Variants in CADPS2 observed in about 807,000 individuals in gnomAD.
The protein encoded by CADPS2 is calcium-dependent secretion activator 2.
CADPS2 carries 93 observed loss-of-function variants against 172.5 expected under a neutral mutation model. The observed-to-expected ratio is 0.54, with a 90% CI of 0.46 to 0.64. CADPS2 has a LOEUF of 0.64. CADPS2 is among the 30% of genes least tolerant of loss of function. The pLI, the probability that CADPS2 is intolerant of heterozygous loss-of-function variation, is 0.00. For synonymous variants in CADPS2, 546 were observed against 555.2 expected (o/e 0.98, Z 0.23); for missense variants, 1,420 against 1,565.9 (o/e 0.91, Z 1.57).
At chr7:122,565,962 G>T (rs534468125) in intron 7 of CADPS2, among the ~76,000 whole-genome samples, 1 of 152,084 alleles carries the variant, frequency 6.6e-6, no homozygotes, top group East Asian at 1.9e-4. Context: ...TATGACCCTG[G>T]TAACCACCAT....
chr7:122,758,939 T>C (rs1442930251), intron 1 of CADPS2, among the ~76,000 whole-genome samples: 3 of 151,574 alleles, frequency 2.0e-5, no homozygotes, highest in African/African-American at 2.4e-5. Context: ...TACGTTTGTT[T>C]AGAAGAAAAA....
intron 2 of CADPS2, among the ~76,000 whole-genome samples, chr7:122,689,087 T>C (rs2083995377): frequency 6.6e-6 from 1 of 151,954 alleles, no homozygotes; most frequent in South Asian, 2.1e-4. Flanking sequence ...ACAGCAACAA[T>C]ATAAGGAGCA....
At chr7:122,612,818 A>C (rs1265245240) in intron 6 of CADPS2, among the ~76,000 whole-genome samples, 4 of 152,162 alleles carry the variant, frequency 2.6e-5, no homozygotes, top group Non-Finnish European at 4.4e-5. Flanking sequence ...GGTAATCCAG[A>C]AAGTGTGGTA....
chr7:122,599,782 T>C (rs556755898), intron 6 of CADPS2, among the ~76,000 whole-genome samples: 1 of 152,222 alleles, frequency 6.6e-6, no homozygotes, highest in African/African-American at 2.4e-5. Context: ...TTACATATAA[T>C]ATGAAATATA....
chr7:122,480,934 C>A, intron 11 of CADPS2, 74 bp from the exon 12 acceptor site: 1 of 1,112,008 alleles, frequency 9.0e-7, no homozygotes, highest in South Asian at 2.1e-5. Flanking sequence ...TACAACTAGA[C>A]ATTTAATTTT....
At chr7:122,366,149 C>G (rs1464528684) in intron 25 of CADPS2, among the ~76,000 whole-genome samples, 1 of 150,414 alleles carries the variant, frequency 6.6e-6, no homozygotes, top group Admixed American at 6.6e-5. Context: ...TAAAAATCTG[C>G]ACATGTACTC....
chr7:122,834,162 C>A (rs1807502113), intron 1 of CADPS2, among the ~76,000 whole-genome samples: 1 of 152,102 alleles, frequency 6.6e-6, no homozygotes, highest in Non-Finnish European at 1.5e-5. Context: ...TGACAGCTAA[C>A]ATGATGGTAG....
intron 8 of CADPS2, among the ~76,000 whole-genome samples, chr7:122,531,832 AC>A (rs1299116046): frequency 2.0e-5 from 3 of 152,036 alleles, no homozygotes; most frequent in African/African-American, 7.2e-5. Context: ...GGAGTTCAAG[AC>A]CAGCCTGGCC....
intron 1 of CADPS2, among the ~76,000 whole-genome samples, chr7:122,859,700 T>C (rs933173676): frequency 6.6e-6 from 1 of 152,170 alleles, no homozygotes; most frequent in African/African-American, 2.4e-5. Flanking sequence ...GGGGCCCTTA[T>C]ATAAAATGGC....
intron 11 of CADPS2, among the ~76,000 whole-genome samples, chr7:122,487,258 A>C (rs1006879456): frequency 6.6e-6 from 1 of 151,628 alleles, no homozygotes; most frequent in Admixed American, 6.6e-5. Context: ...GATCCCCCCC[A>C]CCTCGACCTC....
At position 122,674,010 on chromosome 7, in the gene CADPS2, C is replaced by T. The variant is rs867566288; in HGVS notation, c.454-10441G>A. 7.9e-5 allele frequency among the ~76,000 whole-genome samples: 12 copies of T among 152,096 alleles called. No homozygotes were observed. The South Asian group carries it at 8.3e-4, about 11-fold the overall frequency. On this transcript the variant is annotated intron_variant, in intron 2 of 29. Transcript: ENST00000449022. ...CTGAGGCCCAGTGAGAACTCCAGCG[C>T]GGCTCGGGCGGGCTGGCAGTACTGG...
intron 19 of CADPS2, among the ~76,000 whole-genome samples, chr7:122,411,497 G>A (rs769600549): frequency 6.6e-6 from 1 of 152,028 alleles, no homozygotes; most frequent in Non-Finnish European, 1.5e-5. Context: ...TGGGATTACA[G>A]GTGTGAGCCA....
chr7:122,702,616 T>C (rs1287027321), intron 2 of CADPS2: 2 of 1,613,526 alleles, frequency 1.2e-6, no homozygotes, highest in Admixed American at 3.3e-5. Context: ...CAACCTGAAA[T>C]GTTATATTCA....
At chr7:122,785,661 C>G (rs1793857375) in intron 1 of CADPS2, among the ~76,000 whole-genome samples, 1 of 152,136 alleles carries the variant, frequency 6.6e-6, no homozygotes, top group Non-Finnish European at 1.5e-5. Flanking sequence ...TCCTATCTAC[C>G]CATTGAGGTC....
chr7:122,669,989 T>C (rs372672516), intron 2 of CADPS2, among the ~76,000 whole-genome samples: 3 of 151,832 alleles, frequency 2.0e-5, no homozygotes, highest in East Asian at 2.0e-4. Flanking sequence ...AACATACAAC[T>C]TGTCCCTGAA....
intron 1 of CADPS2, among the ~76,000 whole-genome samples, chr7:122,853,226 G>A (rs557848374): frequency 1.3e-5 from 2 of 152,128 alleles, no homozygotes; most frequent in Non-Finnish European, 1.5e-5. Flanking sequence ...TCAGATAAAC[G>A]AGGAAGAAAA....
At chr7:122,481,925 G>C (rs1319816759) in intron 11 of CADPS2, among the ~76,000 whole-genome samples, 1 of 152,070 alleles carries the variant, frequency 6.6e-6, no homozygotes, top group Non-Finnish European at 1.5e-5. Context: ...GAGGCTACTT[G>C]GGAGGCTGAG....
intron 24 of CADPS2, among the ~76,000 whole-genome samples, chr7:122,380,212 C>T (rs557853569): frequency 4.1e-4 from 63 of 152,114 alleles, no homozygotes; most frequent in African/African-American, 1.3e-3. Context: ...GAAGCTTTGG[C>T]TTCCAAGGCT....
intron 2 of CADPS2, among the ~76,000 whole-genome samples, chr7:122,713,422 G>A (rs1414694273): frequency 6.6e-6 from 1 of 151,980 alleles, no homozygotes; most frequent in East Asian, 1.9e-4. Context: ...CTCCCATGAG[G>A]ATTAAAAGAA....
Sources: gnomAD v4.1 joint callset for allele counts (sites outside exome capture counted in the v4.1 genomes callset) on GRCh38, gnomAD v4.1.1 for gene constraint, MANE v1.5 for transcripts, NCBI Gene and HGNC (gene_info 2026-07-23, HGNC 2026-07-21) for gene names.